DLG1: variants seen among roughly 807,000 people sequenced by gnomAD.
The protein encoded by DLG1 is discs large MAGUK scaffold protein 1, also known as disks large homolog 1.
DLG1 carries 42 observed loss-of-function variants against 123.4 expected under a neutral mutation model. The observed-to-expected ratio is 0.34, with a 90% CI of 0.27 to 0.44. The LOEUF (loss-of-function observed/expected upper bound fraction) is 0.44, where lower values mean the gene tolerates loss of function less well. Ranked by LOEUF, DLG1 falls within the 20% of genes least tolerant of loss-of-function variation. The pLI is 1.00. For synonymous variants in DLG1, 317 were observed against 356.2 expected (o/e 0.89, Z 1.24); for missense variants, 942 against 1,082.6 (o/e 0.87, Z 1.82).
At chr3:197,174,243 A>C (rs1369893409) in intron 5 of DLG1, among the ~76,000 whole-genome samples, 2 of 152,190 alleles carry the variant, frequency 1.3e-5, no homozygotes, top group Non-Finnish European at 2.9e-5. Context: ...AAGACACCTA[A>C]GTTAACTTTT....
In DLG1 at chr3:197,142,747, A is replaced by G. The variant is rs1788667450; in HGVS notation, c.559T>C (p.Tyr187His). 4 of 1,609,350 alleles carry G rather than the reference A, an allele frequency of 2.5e-6. No homozygotes were observed. In the South Asian group the frequency reaches 4.5e-5, roughly 18 times the overall value. ...PTYVNGTDAD[Y>H]EYEEITLERG... ...TCAAGTGTGATTTCTTCATATTCAT[A>G]ATCTGCATCTGTGCCATTAACCTAC... The change falls in exon 7 of 25, where the codon TAT (tyrosine) becomes CAT (histidine). Residue 187 changes from tyrosine (Y) to histidine (H), a missense_variant. Tyr to His is a moderately conservative substitution (Grantham distance 83). Transcript: ENST00000667157.
intron 23 of DLG1, among the ~76,000 whole-genome samples, chr3:197,054,437 GTTTCGCAGACTAAATAA>G (rs961705529): frequency 2.1e-4 from 32 of 152,158 alleles, no homozygotes; most frequent in Admixed American, 5.9e-4. Flanking sequence ...TCATTTCTCT[GTTTCGCAGACTAAATAA>G]TTTCCATTGT....
intron 3 of DLG1, among the ~76,000 whole-genome samples, chr3:197,286,619 A>C (rs1425798451): frequency 6.6e-6 from 1 of 152,210 alleles, no homozygotes; most frequent in Non-Finnish European, 1.5e-5. Flanking sequence ...AAAGCAAAAA[A>C]TGTGCACATC....
chr3:197,289,242 T>C (rs1051801276), intron 3 of DLG1, among the ~76,000 whole-genome samples: 4 of 152,244 alleles, frequency 2.6e-5, no homozygotes, highest in Non-Finnish European at 5.9e-5. Flanking sequence ...TCACCTTACA[T>C]GCTGATTTTA....
chr3:197,172,398 G>A (rs745450211), intron 5 of DLG1, among the ~76,000 whole-genome samples: 6 of 151,726 alleles, frequency 4.0e-5, no homozygotes, highest in Middle Eastern at 3.2e-3. Flanking sequence ...AATATACACC[G>A]TATTCCCATT....
chr3:197,235,055 G>GA (rs1438121454), intron 4 of DLG1, among the ~76,000 whole-genome samples: 2 of 151,556 alleles, frequency 1.3e-5, no homozygotes, highest in Non-Finnish European at 2.9e-5. Context: ...TAGAAAACTA[G>GA]AAAAAAAATA....
chr3:197,081,386 G>T (rs549706739), intron 16 of DLG1, among the ~76,000 whole-genome samples: 1 of 152,256 alleles, frequency 6.6e-6, no homozygotes, highest in South Asian at 2.1e-4. Context: ...AAAATTATAT[G>T]AAAGTATGAG....
chr3:197,072,264 T>A (rs1487181556), intron 18 of DLG1, among the ~76,000 whole-genome samples: 1 of 152,160 alleles, frequency 6.6e-6, no homozygotes, highest in South Asian at 2.1e-4. Context: ...TTTGTCTCCA[T>A]CTCTAATTAC....
chr3:197,111,642 A>T (rs181171114), intron 13 of DLG1, among the ~76,000 whole-genome samples: 60 of 152,326 alleles, frequency 3.9e-4, no homozygotes, highest in Admixed American at 1.9e-3. Context: ...ACTACCCCAG[A>T]CAAGACATGT....
At chr3:197,117,720 A>T (rs1774084017) in intron 12 of DLG1, among the ~76,000 whole-genome samples, 1 of 152,230 alleles carries the variant, frequency 6.6e-6, no homozygotes, top group Admixed American at 6.5e-5. Context: ...GTTTGTCTGA[A>T]GTAATGAAAA....
intron 13 of DLG1, among the ~76,000 whole-genome samples, chr3:197,108,617 T>C (rs77892971): frequency 0.046 from 6,929 of 152,248 alleles, 189 homozygotes; most frequent in Non-Finnish European, 0.055. Context: ...TAAATGTCTT[T>C]CGCCTTTAGT....
At chr3:197,200,646 T>C (rs1388269914) in intron 4 of DLG1, among the ~76,000 whole-genome samples, 2 of 152,138 alleles carry the variant, frequency 1.3e-5, no homozygotes, top group Non-Finnish European at 2.9e-5. Flanking sequence ...GTGGGATTTA[T>C]CCTGAGGAGG....
intron 15 of DLG1, among the ~76,000 whole-genome samples, chr3:197,088,038 A>G (rs1224182471): frequency 2.0e-5 from 3 of 152,226 alleles, no homozygotes; most frequent in Non-Finnish European, 1.5e-5. Flanking sequence ...GGCAGGAGAC[A>G]GGGATTCTTC....
chr3:197,119,873 C>G (rs1775340268), intron 11 of DLG1, among the ~76,000 whole-genome samples: 1 of 152,132 alleles, frequency 6.6e-6, no homozygotes, highest in South Asian at 2.1e-4. Context: ...TGTCCTTATA[C>G]TAGCTCAGAT....
rs200692787 is a variant in DLG1 at position 197,210,245 on chromosome 3, T to TAA, written c.319-15658_319-15657dup. ...CCTAAGGATCCACCTTGAGAAGCTA[T>TAA]AAAAAAAAAAAAAGACTAAGTAAAG... On this transcript the variant is annotated intron_variant, in intron 4 of 24. Transcript: ENST00000667157. Among the ~76,000 whole-genome samples, 104 of 105,820 alleles carry TAA rather than the reference T, an allele frequency of 9.8e-4. 1 individual carries two copies. The highest frequency in any genetic ancestry group is 2.7e-3 in the African/African-American group (86 of 31,580). The allele number at this position is 105,820 out of a possible 152,430, so 69.4% of individuals were successfully genotyped here.
chr3:197,166,750 A>C (rs1801635956), intron 5 of DLG1, among the ~76,000 whole-genome samples: 1 of 151,952 alleles, frequency 6.6e-6, no homozygotes, highest in Non-Finnish European at 1.5e-5. Flanking sequence ...AATTAGCTGG[A>C]CATGGTGGCG....
chr3:197,122,035 A>T (rs1057323381), intron 11 of DLG1, among the ~76,000 whole-genome samples: 1 of 152,098 alleles, frequency 6.6e-6, no homozygotes, highest in Admixed American at 6.6e-5. Context: ...ATTACAAGAC[A>T]GAAAAATTTC....
At chr3:197,156,897 TATG>T (rs1262137291) in intron 5 of DLG1, among the ~76,000 whole-genome samples, 1 of 152,118 alleles carries the variant, frequency 6.6e-6, no homozygotes, top group Non-Finnish European at 1.5e-5. Flanking sequence ...CAACCAGACA[TATG>T]ATAAGTAAGG....
intron 1 of DLG1, 160 bp downstream of exon 1, chr3:197,298,376 C>G (rs1215140021): frequency 7.5e-6 from 3 of 397,748 alleles, no homozygotes; most frequent in Non-Finnish European, 1.3e-5. Context: ...CACTCGGACT[C>G]CACAGGTGGC....
Sources: allele counts gnomAD v4.1 joint callset (sites outside exome capture counted in the v4.1 genomes callset), GRCh38; gene constraint gnomAD v4.1.1; transcripts MANE v1.5; gene names NCBI Gene and HGNC (gene_info 2026-07-23, HGNC 2026-07-21).